EEPD1: variants seen among roughly 807,000 people sequenced by gnomAD.
EEPD1 encodes endonuclease/exonuclease/phosphatase family domain-containing protein 1.
EEPD1 carries 17 observed loss-of-function variants against 46.3 expected under a neutral mutation model. That is an observed-to-expected ratio of 0.37 (90% CI 0.25 to 0.55). EEPD1 has a LOEUF of 0.55. Ranked by LOEUF, EEPD1 falls within the 20% of genes least tolerant of loss-of-function variation. EEPD1 has a pLI of 0.83. For missense variants in EEPD1, 673 were observed against 745.6 expected (o/e 0.90, Z 1.13); for synonymous variants, 313 against 315.6 (o/e 0.99, Z 0.09).
chr7:36,258,376 C>T (rs1786860044), intron 3 of EEPD1, among the ~76,000 whole-genome samples: 1 of 152,220 alleles, frequency 6.6e-6, no homozygotes, highest in Non-Finnish European at 1.5e-5. Context: ...CCACTGCTCT[C>T]TTAAGAGCTG....
In EEPD1 at chr7:36,153,582, C is replaced by G. The variant is rs1053201732; in HGVS notation, c.-285C>G. 1 of 152,458 alleles carries G rather than the reference C, an allele frequency of 6.6e-6. No individual in the cohort carries two copies. The highest frequency in any genetic ancestry group is 1.9e-4 in the East Asian group (1 of 5,188). The allele number at this position is 152,458 out of a possible 1,614,324, so 9.4% of individuals were successfully genotyped here. On this transcript the variant is annotated 5_prime_UTR_variant, in exon 1 of 8. Transcript: ENST00000242108. Reference sequence around the variant, plus strand: ...ACCCACACCCGCGCGGACGCCTAGGCTGGAGGCAGGGGGCCCGTGCTGTCC... The same window carrying G: ...ACCCACACCCGCGCGGACGCCTAGGGTGGAGGCAGGGGGCCCGTGCTGTCC...
At chr7:36,241,917 C>T (rs1301934885) in intron 3 of EEPD1, among the ~76,000 whole-genome samples, 1 of 152,162 alleles carries the variant, frequency 6.6e-6, no homozygotes, top group Non-Finnish European at 1.5e-5. Flanking sequence ...GTGTGTACAC[C>T]TGATTTAGAG....
At chr7:36,173,744 G>A (rs1785129360) in intron 2 of EEPD1, among the ~76,000 whole-genome samples, 1 of 152,210 alleles carries the variant, frequency 6.6e-6, no homozygotes, top group Non-Finnish European at 1.5e-5. Flanking sequence ...TGTGGTATGA[G>A]GGTAGAGGAA....
intron 3 of EEPD1, among the ~76,000 whole-genome samples, chr7:36,254,608 A>G (rs1786800418): frequency 6.6e-6 from 1 of 152,158 alleles, no homozygotes; most frequent in Non-Finnish European, 1.5e-5. Flanking sequence ...GTGTCTTTAT[A>G]GTAGAATGGT....
chr7:36,209,700 G>T (rs945089137), intron 2 of EEPD1, among the ~76,000 whole-genome samples: 2 of 152,034 alleles, frequency 1.3e-5, no homozygotes, highest in East Asian at 3.9e-4. Context: ...TGGTTTCTGG[G>T]CAGATCTCGC....
At chr7:36,172,059 T>TGTCA (rs982957698) in intron 2 of EEPD1, among the ~76,000 whole-genome samples, 5 of 152,242 alleles carry the variant, frequency 3.3e-5, no homozygotes, top group Non-Finnish European at 7.3e-5. Context: ...TTCTCTGTCT[T>TGTCA]GTCAGTGTAT....
At chr7:36,181,109 T>C (rs2115654620) in intron 2 of EEPD1, among the ~76,000 whole-genome samples, 1 of 152,266 alleles carries the variant, frequency 6.6e-6, no homozygotes, top group South Asian at 2.1e-4. Context: ...ACAAGCTCCC[T>C]GGTAATGCTG....
At position 36,208,457 on chromosome 7, in the gene EEPD1, C is replaced by T. The variant is rs146495439; in HGVS notation, c.879-30528C>T. ...TGTGGATGCAATTCAGGCCCAGTGG[C>T]TTTGACAGTTGTCTCCATGCTGATG... is the stretch of plus-strand genomic sequence containing the variant. On this transcript the variant is annotated intron_variant, in intron 2 of 7. Transcript: ENST00000242108. Among the ~76,000 whole-genome samples the T allele has an allele frequency of 1.6e-3, 243 of 152,312 alleles. 1 individual carries two copies. Among genetic ancestry groups the T allele is most frequent in the African/African-American group, 5.6e-3 (232 of 41,570 alleles).
At chr7:36,208,483 C>G (rs1055754289) in intron 2 of EEPD1, among the ~76,000 whole-genome samples, 3 of 152,174 alleles carry the variant, frequency 2.0e-5, no homozygotes, top group African/African-American at 7.2e-5. Flanking sequence ...CATGCTGATG[C>G]ATTGGAACAG....
chr7:36,235,440 C>T (rs1027626784), intron 2 of EEPD1, among the ~76,000 whole-genome samples: 1 of 152,364 alleles, frequency 6.6e-6, no homozygotes, highest in South Asian at 2.1e-4. Context: ...CCTCTGTGAT[C>T]GCCTTTTTTC....
chr7:36,268,141 T>A (rs1787052277), intron 3 of EEPD1, among the ~76,000 whole-genome samples: 2 of 152,040 alleles, frequency 1.3e-5, no homozygotes, highest in Admixed American at 1.3e-4. Context: ...CGTTTGGTGC[T>A]TGTTAAGTGT....
At chr7:36,242,314 G>A (rs1044224155) in intron 3 of EEPD1, among the ~76,000 whole-genome samples, 15 of 151,764 alleles carry the variant, frequency 9.9e-5, no homozygotes, top group Admixed American at 6.6e-4. Context: ...CTCTCTCCCC[G>A]AGTCTGCTGA....
At position 36,169,946 on chromosome 7, in the gene EEPD1, G is replaced by A. The variant is rs938012563; in HGVS notation, c.878+14744G>A. On this transcript the variant is annotated intron_variant, in intron 2 of 7. Transcript: ENST00000242108. The stretch of plus-strand genomic sequence containing the variant: ...ATATAATGGATAGTATGCCAGGTGA[G>A]CTTTAGAAATTTCATCAAAATAACT... Among the ~76,000 whole-genome samples the A allele has an allele frequency of 5.9e-5, 9 of 152,302 alleles. 1 individual carries two copies. Among genetic ancestry groups the A allele is most frequent in the Middle Eastern group, 6.8e-3 (2 of 294 alleles).
At chr7:36,232,177 T>TGA (rs1786344142) in intron 2 of EEPD1, among the ~76,000 whole-genome samples, 1 of 151,618 alleles carries the variant, frequency 6.6e-6, no homozygotes. Context: ...GTTGCTGGTT[T>TGA]TTTTTTTTTT....
At chr7:36,187,784 G>C (rs1785386158) in intron 2 of EEPD1, among the ~76,000 whole-genome samples, 1 of 152,032 alleles carries the variant, frequency 6.6e-6, no homozygotes, top group Non-Finnish European at 1.5e-5. Context: ...GTTTTTAATT[G>C]TGCTGGTATT....
At chr7:36,280,474 T>A (rs1248733547) in intron 3 of EEPD1, among the ~76,000 whole-genome samples, 1 of 152,236 alleles carries the variant, frequency 6.6e-6, no homozygotes, top group Admixed American at 6.5e-5. Flanking sequence ...TATTTTGAAG[T>A]GGATAGTTGT....
intron 2 of EEPD1, among the ~76,000 whole-genome samples, chr7:36,237,756 G>T (rs182209852): frequency 6.6e-6 from 1 of 152,076 alleles, no homozygotes; most frequent in African/African-American, 2.4e-5. Flanking sequence ...TTCAAGACCC[G>T]CCTGGCCAAC....
chr7:36,158,861 G>A (rs2115595649), intron 2 of EEPD1, among the ~76,000 whole-genome samples: 1 of 152,308 alleles, frequency 6.6e-6, no homozygotes, highest in South Asian at 2.1e-4. Context: ...GTTATTGAAA[G>A]TATAAACCCT....
chr7:36,272,708 T>G (rs566791648), intron 3 of EEPD1, among the ~76,000 whole-genome samples: 21 of 152,250 alleles, frequency 1.4e-4, no homozygotes, highest in Non-Finnish European at 2.5e-4. Flanking sequence ...AAATGTCTCC[T>G]TGTTTGCTTT....
Sources: allele counts gnomAD v4.1 joint callset (sites outside exome capture counted in the v4.1 genomes callset), GRCh38; gene constraint gnomAD v4.1.1; transcripts MANE v1.5; gene names NCBI Gene and HGNC (gene_info 2026-07-23, HGNC 2026-07-21).